RBFOX1: variants seen among roughly 807,000 people sequenced by gnomAD.
RBFOX1 encodes RNA binding fox-1 homolog 1.
In RBFOX1, 8 loss-of-function variants were observed where a neutral mutation model predicts 57.7. The ratio of observed to expected loss-of-function variants is 0.14; its 90% CI spans 0.08 to 0.25. The LOEUF is 0.25. RBFOX1 is among the 10% of genes least tolerant of loss of function. RBFOX1 has a pLI of 1.00. For synonymous variants in RBFOX1, 326 were observed against 222.4 expected (o/e 1.47, Z -4.15); for missense variants, 611 against 548.5 (o/e 1.11, Z -1.14).
intron 3 of RBFOX1, among the ~76,000 whole-genome samples, chr16:6,985,962 C>G (rs2090161615): frequency 6.6e-6 from 1 of 150,632 alleles, no homozygotes; most frequent in South Asian, 2.1e-4. Context: ...TAGAATAAGG[C>G]ACTTTCCAAA....
chr16:6,089,352 A>G (rs1456563296), intron 1 of RBFOX1, among the ~76,000 whole-genome samples: 1 of 152,150 alleles, frequency 6.6e-6, no homozygotes, highest in African/African-American at 2.4e-5. Context: ...TGGTCAGAGG[A>G]AACAGCAAAT....
intron 4 of RBFOX1, among the ~76,000 whole-genome samples, chr16:5,874,799 G>T (rs966823503): frequency 6.6e-6 from 1 of 152,098 alleles, no homozygotes; most frequent in Non-Finnish European, 1.5e-5. Flanking sequence ...TAGAAAATTA[G>T]CCAGGCAATG....
At chr16:6,199,391 A>G (rs2097200971) in intron 1 of RBFOX1, among the ~76,000 whole-genome samples, 2 of 152,184 alleles carry the variant, frequency 1.3e-5, no homozygotes, top group South Asian at 4.1e-4. Flanking sequence ...AGCTGTGACC[A>G]TAGTCTCCCA....
intron 3 of RBFOX1, among the ~76,000 whole-genome samples, chr16:5,770,981 T>C: frequency 6.6e-6 from 1 of 152,188 alleles, no homozygotes; most frequent in East Asian, 1.9e-4. Flanking sequence ...CACGACCCTT[T>C]TTGCTGGAGG....
intron 4 of RBFOX1, among the ~76,000 whole-genome samples, chr16:5,881,367 A>G (rs2057757736): frequency 6.6e-6 from 1 of 152,138 alleles, no homozygotes; most frequent in Admixed American, 6.6e-5. Context: ...CTTTTCCAAT[A>G]CAGCACATGT....
chr16:5,701,201 C>T (rs190717691), intron 3 of RBFOX1, among the ~76,000 whole-genome samples: 1 of 152,186 alleles, frequency 6.6e-6, no homozygotes. Flanking sequence ...TAATTGCTGG[C>T]CTCCCCTGCC....
intron 3 of RBFOX1, among the ~76,000 whole-genome samples, chr16:6,707,144 T>G (rs1322247911): frequency 6.6e-6 from 1 of 152,168 alleles, no homozygotes; most frequent in Admixed American, 6.5e-5. Flanking sequence ...TGATTTCTAT[T>G]TGCAAAAAGG....
intron 4 of RBFOX1, among the ~76,000 whole-genome samples, chr16:7,345,927 A>G (rs535337955): frequency 6.6e-6 from 1 of 152,096 alleles, no homozygotes; most frequent in Admixed American, 6.5e-5. Flanking sequence ...TGCTGCACCC[A>G]TTAACTCGTC....
At chr16:7,083,613 G>C (rs1336346915) in intron 4 of RBFOX1, among the ~76,000 whole-genome samples, 1 of 152,084 alleles carries the variant, frequency 6.6e-6, no homozygotes, top group African/African-American at 2.4e-5. Flanking sequence ...AGATGCACAA[G>C]AAACAACTTA....
intron 4 of RBFOX1, among the ~76,000 whole-genome samples, chr16:7,484,456 T>A (rs576647786): frequency 1.3e-5 from 2 of 152,264 alleles, no homozygotes; most frequent in Admixed American, 6.5e-5. Context: ...ACTGGCATTG[T>A]AGCATTGGGT....
At chr16:7,214,354 A>G (rs1225020706) in intron 4 of RBFOX1, among the ~76,000 whole-genome samples, 1 of 152,158 alleles carries the variant, frequency 6.6e-6, no homozygotes, top group Non-Finnish European at 1.5e-5. Flanking sequence ...CTACTTTAGC[A>G]GATGGCATGA....
chr16:7,330,520 G>A (rs942272639), intron 4 of RBFOX1, among the ~76,000 whole-genome samples: 1 of 136,468 alleles, frequency 7.3e-6, no homozygotes, highest in South Asian at 2.3e-4. Flanking sequence ...TTGTGTGTGT[G>A]TGTGTAGAGA....
intron 2 of RBFOX1, among the ~76,000 whole-genome samples, chr16:6,529,482 C>T (rs1027482377): frequency 6.6e-6 from 1 of 151,980 alleles, no homozygotes; most frequent in African/African-American, 2.4e-5. Flanking sequence ...TCGCTTGAAC[C>T]TAGCAGGCAG....
chr16:6,099,204 T>C lies in RBFOX1; in HGVS notation c.-127+79212T>C, dbSNP rs555490207. Among the ~76,000 whole-genome samples the C allele has an allele frequency of 1.7e-4, 26 of 152,296 alleles. No homozygotes were observed. The South Asian group carries it at 4.8e-3, about 28-fold the overall frequency. On this transcript the variant is annotated intron_variant, in intron 1 of 15. Coordinates refer to ENST00000550418, the MANE Select transcript of RBFOX1 (RefSeq NM_018723.4). Reference sequence around the variant, plus strand: ...CCATTTGGTTCAGTCAAAATGAAAATTGGCCAAAGAAAGTGTTAAGAGGGC... The same window carrying C: ...CCATTTGGTTCAGTCAAAATGAAAACTGGCCAAAGAAAGTGTTAAGAGGGC...
intron 3 of RBFOX1, among the ~76,000 whole-genome samples, chr16:5,631,964 A>G (rs2048523665): frequency 6.6e-6 from 1 of 152,166 alleles, no homozygotes; most frequent in East Asian, 1.9e-4. Flanking sequence ...AAGAAAGGTT[A>G]AGCCTCCACC....
At chr16:6,463,027 C>G (rs10492831) in intron 2 of RBFOX1, among the ~76,000 whole-genome samples, 4,121 of 152,250 alleles carry the variant, frequency 0.027, 186 homozygotes, top group African/African-American at 0.093. Context: ...AGTTTATCTA[C>G]AAGATCCTAG....
At chr16:6,696,546 G>A (rs1048879288) in intron 3 of RBFOX1, among the ~76,000 whole-genome samples, 1 of 152,150 alleles carries the variant, frequency 6.6e-6, no homozygotes, top group Non-Finnish European at 1.5e-5. Context: ...ATATTTATTT[G>A]AGGTTTAATT....
At chr16:7,195,573 A>T (rs2086496013) in intron 4 of RBFOX1, among the ~76,000 whole-genome samples, 1 of 152,080 alleles carries the variant, frequency 6.6e-6, no homozygotes, top group African/African-American at 2.4e-5. Context: ...TTGTTTATTT[A>T]TTGAGACAGA....
At chr16:6,946,231 G>T (rs2079488479) in intron 3 of RBFOX1, among the ~76,000 whole-genome samples, 1 of 152,224 alleles carries the variant, frequency 6.6e-6, no homozygotes, top group South Asian at 2.1e-4. Context: ...TATGGTTTCT[G>T]TGATAACTGC....
Sources: allele counts gnomAD v4.1 joint callset (sites outside exome capture counted in the v4.1 genomes callset), GRCh38; gene constraint gnomAD v4.1.1; transcripts MANE v1.5; gene names NCBI Gene and HGNC (gene_info 2026-07-23, HGNC 2026-07-21).